Variants in CTNND2 observed in about 807,000 individuals in gnomAD.
CTNND2 encodes the protein catenin delta 2, also known as catenin delta-2.
CTNND2 carries 22 observed loss-of-function variants against 144.4 expected under a neutral mutation model. The observed-to-expected ratio is 0.15, with a 90% CI of 0.11 to 0.22. The LOEUF (loss-of-function observed/expected upper bound fraction) is 0.22, where lower values mean the gene tolerates loss of function less well. Among genes scored for constraint, CTNND2 ranks in the 10% least tolerant of loss-of-function variants. The pLI is 1.00. For synonymous variants in CTNND2, 751 were observed against 695.6 expected, an observed-to-expected ratio of 1.08 and a Z score of -1.25; for missense variants, 1,353 against 1,618.8, an observed-to-expected ratio of 0.84 and a Z score of 2.82.
At chr5:11,531,285 G>T (rs1773723360) in intron 3 of CTNND2, among the ~76,000 whole-genome samples, 1 of 152,134 alleles carries the variant, frequency 6.6e-6, no homozygotes, top group African/African-American at 2.4e-5. Flanking sequence ...AGGAAAGAGG[G>T]AGTCAGGGAT....
intron 1 of CTNND2, among the ~76,000 whole-genome samples, chr5:11,732,901 C>G (rs1049262605): frequency 4.6e-5 from 7 of 151,874 alleles, no homozygotes; most frequent in South Asian, 2.1e-4. Flanking sequence ...GGTCCTGCCC[C>G]CTACGTCCTG....
intron 1 of CTNND2, among the ~76,000 whole-genome samples, chr5:11,872,546 T>C (rs185641062): frequency 6.6e-6 from 1 of 152,336 alleles, no homozygotes; most frequent in Admixed American, 6.5e-5. Context: ...CCAGCATCTG[T>C]TGTTTCCTGA....
intron 2 of CTNND2, among the ~76,000 whole-genome samples, chr5:11,602,789 A>T (rs868274183): frequency 4.0e-4 from 58 of 146,200 alleles, no homozygotes; most frequent in South Asian, 1.3e-3. Context: ...AATAGATATA[A>T]ATATAATATA....
rs144842600 is a variant in CTNND2, at chr5:11,162,152, C to T, written c.1976-2393G>A. 7.2e-5 allele frequency among the ~76,000 whole-genome samples: 11 copies of T among 152,026 alleles called. No homozygotes were observed. The East Asian group carries it at 7.7e-4, about 11-fold the overall frequency. ...TGGGTGACAGAGCAAGGTTCCATCT[C>T]GGGAAAGCAAGCAAGCAAACAAACA... On this transcript the variant is annotated intron_variant, in intron 11 of 21. Coordinates refer to ENST00000304623, the MANE Select transcript of CTNND2 (RefSeq NM_001332.4).
At chr5:11,348,040 C>T (rs1475190516) in intron 8 of CTNND2, among the ~76,000 whole-genome samples, 3 of 151,976 alleles carry the variant, frequency 2.0e-5, no homozygotes, top group Admixed American at 6.6e-5. Context: ...AATTAGGTTC[C>T]GTGACATGAC....
At chr5:11,239,657 C>A (rs1742006510) in intron 9 of CTNND2, among the ~76,000 whole-genome samples, 1 of 152,234 alleles carries the variant, frequency 6.6e-6, no homozygotes, top group Non-Finnish European at 1.5e-5. Context: ...CCTTGGAGGC[C>A]CTGCTGGGCT....
intron 2 of CTNND2, among the ~76,000 whole-genome samples, chr5:11,731,418 C>T (rs1190436713): frequency 1.3e-5 from 2 of 152,182 alleles, no homozygotes; most frequent in Non-Finnish European, 2.9e-5. Context: ...ATAACCCAAA[C>T]GCGGCAGGCT....
At chr5:11,817,410 GGAGAGAGAGA>G (rs1157713122) in intron 1 of CTNND2, among the ~76,000 whole-genome samples, 6 of 22,352 alleles carry the variant, frequency 2.7e-4, no homozygotes, top group African/African-American at 1.2e-3. Context: ...GAGAGAGGAG[GGAGAGAGAGA>G]GAGAGAGAGA....
chr5:11,256,127 C>A (rs547993859), intron 9 of CTNND2, among the ~76,000 whole-genome samples: 1 of 152,234 alleles, frequency 6.6e-6, no homozygotes, highest in Non-Finnish European at 1.5e-5. Flanking sequence ...TCATGCCAAA[C>A]TGTGTCACTT....
chr5:11,250,097 C>A (rs1166773579), intron 9 of CTNND2, among the ~76,000 whole-genome samples: 1 of 152,072 alleles, frequency 6.6e-6, no homozygotes, highest in Non-Finnish European at 1.5e-5. Flanking sequence ...CCTCCATTTC[C>A]AGAGTCTGCA....
chr5:11,761,477 A>G (rs1378168077), intron 1 of CTNND2, among the ~76,000 whole-genome samples: 1 of 152,212 alleles, frequency 6.6e-6, no homozygotes, highest in African/African-American at 2.4e-5. Flanking sequence ...AAATAGGAAA[A>G]ATAATGTTAA....
chr5:11,820,378 G>A (rs1425355754), intron 1 of CTNND2, among the ~76,000 whole-genome samples: 1 of 152,160 alleles, frequency 6.6e-6, no homozygotes, highest in African/African-American at 2.4e-5. Flanking sequence ...GAAGAATGGT[G>A]CCGGGGAACA....
intron 3 of CTNND2, among the ~76,000 whole-genome samples, chr5:11,445,011 ACGG>A (rs748284596): frequency 7.9e-5 from 12 of 152,176 alleles, no homozygotes; most frequent in Non-Finnish European, 1.6e-4. Flanking sequence ...TCAGTTTCCT[ACGG>A]CTGCAGTACC....
chr5:11,766,071 T>C (rs1159825940), intron 1 of CTNND2, among the ~76,000 whole-genome samples: 2 of 152,176 alleles, frequency 1.3e-5, no homozygotes, highest in South Asian at 2.1e-4. Context: ...ATTTACCTTC[T>C]GTAATAAGGG....
intron 2 of CTNND2, among the ~76,000 whole-genome samples, chr5:11,686,417 A>G (rs1014658720): frequency 5.9e-5 from 9 of 152,160 alleles, no homozygotes; most frequent in Non-Finnish European, 1.2e-4. Context: ...AAGGCAATCA[A>G]TCTTTTGTCA....
intron 18 of CTNND2, among the ~76,000 whole-genome samples, chr5:10,995,870 C>G (rs1282960557): frequency 2.0e-5 from 3 of 152,084 alleles, no homozygotes; most frequent in African/African-American, 7.2e-5. Context: ...AGGATATTCA[C>G]TCTTGATTTT....
At chr5:11,072,884 GT>G (rs1369201169) in intron 16 of CTNND2, among the ~76,000 whole-genome samples, 1 of 152,174 alleles carries the variant, frequency 6.6e-6, no homozygotes, top group Non-Finnish European at 1.5e-5. Flanking sequence ...TAGGCTGGCT[GT>G]CCCCTCCCTG....
chr5:11,509,186 A>C (rs1216148925), intron 3 of CTNND2, among the ~76,000 whole-genome samples: 1 of 152,196 alleles, frequency 6.6e-6, no homozygotes, highest in African/African-American at 2.4e-5. Context: ...TGTTTCCAGA[A>C]ATTCTAAGGT....
At chr5:11,304,660 T>C (rs984670246) in intron 9 of CTNND2, among the ~76,000 whole-genome samples, 7 of 152,214 alleles carry the variant, frequency 4.6e-5, no homozygotes, top group African/African-American at 1.7e-4. Flanking sequence ...GTTTCCACTC[T>C]CAGTCTAGCC....
Sources: gnomAD v4.1 joint callset for allele counts (sites outside exome capture counted in the v4.1 genomes callset) on GRCh38, gnomAD v4.1.1 for gene constraint, MANE v1.5 for transcripts, NCBI Gene and HGNC (gene_info 2026-07-23, HGNC 2026-07-21) for gene names.